Variants in FSTL5 observed in about 807,000 individuals in gnomAD.
The protein encoded by FSTL5 is follistatin-related protein 5.
A neutral mutation model predicts 89.1 loss-of-function variants in FSTL5; 62 were observed. That is an observed-to-expected ratio of 0.70 (90% confidence interval 0.57 to 0.86). FSTL5 has a LOEUF of 0.86. Ranked by LOEUF, FSTL5 falls within the 40% of genes least tolerant of loss-of-function variation. FSTL5 has a pLI of 0.00. For missense variants in FSTL5, 1,057 were observed against 1,001.6 expected (o/e 1.06, Z -0.75); for synonymous variants, 383 against 346.2 (o/e 1.11, Z -1.18).
chr4:161,667,371 G>T (rs1394937633), intron 6 of FSTL5, among the ~76,000 whole-genome samples: 2 of 152,054 alleles, frequency 1.3e-5, no homozygotes, highest in Non-Finnish European at 2.9e-5. Context: ...CTAACAGAAA[G>T]AATTGGGTGG....
At chr4:161,639,588 A>C (rs1294696806) in intron 7 of FSTL5, among the ~76,000 whole-genome samples, 1 of 152,162 alleles carries the variant, frequency 6.6e-6, no homozygotes, top group Non-Finnish European at 1.5e-5. Context: ...CCTAGACAAT[A>C]ATTGCACTGG....
chr4:161,788,467 A>G (rs1267986210), intron 4 of FSTL5, among the ~76,000 whole-genome samples: 1 of 152,118 alleles, frequency 6.6e-6, no homozygotes, highest in Non-Finnish European at 1.5e-5. Context: ...CTCTACTTCT[A>G]TCAGCTCAAC....
In FSTL5 at chr4:162,050,285, C is replaced by G. The variant is rs771468449; in HGVS notation, c.127-16627G>C. On this transcript the variant is annotated intron_variant, in intron 2 of 15. Coordinates refer to ENST00000306100, the MANE Select transcript of FSTL5 (RefSeq NM_020116.5). ...CAAATATATTCTGGAAAAAATAATA[C>G]TCATACAGGAAAAATAATTATATTG... Among the ~76,000 whole-genome samples the G allele has an allele frequency of 2.6e-5, 4 of 151,022 alleles. No individual in the cohort carries two copies. In the East Asian group the frequency reaches 7.8e-4, roughly 29 times the overall value.
chr4:161,497,602 A>G (rs1243038522), intron 12 of FSTL5, among the ~76,000 whole-genome samples: 3 of 149,202 alleles, frequency 2.0e-5, no homozygotes, highest in Admixed American at 6.9e-5. Flanking sequence ...GAGTACAGAA[A>G]CCTTTATAAA....
Position 161,422,499 on chromosome 4 carries a change from G to A in FSTL5, c.1841+32505C>T, listed in dbSNP as rs547491663. On this transcript the variant is annotated intron_variant, in intron 15 of 15. Transcript: ENST00000306100. ...ATTTTGATTACCTTTGAATATCTCGGAAACTAGGAAGTTTTGGAATGATCA... is the reference window on the plus strand; with the variant it reads ...ATTTTGATTACCTTTGAATATCTCGAAAACTAGGAAGTTTTGGAATGATCA... Among the ~76,000 whole-genome samples, 18 of 152,262 alleles carry A rather than the reference G, an allele frequency of 1.2e-4. 1 individual carries two copies. In the South Asian group the frequency reaches 3.5e-3, roughly 30 times the overall value.
intron 1 of FSTL5, among the ~76,000 whole-genome samples, chr4:162,115,125 G>C (rs1426633069): frequency 6.6e-6 from 1 of 152,052 alleles, no homozygotes; most frequent in East Asian, 1.9e-4. Context: ...AGCCAAAAAA[G>C]ACCAGAGAAA....
intron 3 of FSTL5, among the ~76,000 whole-genome samples, chr4:161,992,930 G>A (rs28404924): frequency 0.14 from 1,096 of 7,976 alleles, 74 homozygotes; most frequent in African/African-American, 0.17. Flanking sequence ...ATATATGTGT[G>A]TATATATATA....
At chr4:161,443,939 A>T (rs764276114) in intron 15 of FSTL5, among the ~76,000 whole-genome samples, 2 of 151,922 alleles carry the variant, frequency 1.3e-5, no homozygotes, top group Non-Finnish European at 2.9e-5. Context: ...TTTGGACATG[A>T]TCTATAAGCA....
intron 3 of FSTL5, among the ~76,000 whole-genome samples, chr4:161,952,409 G>A (rs1734921350): frequency 6.6e-6 from 1 of 152,078 alleles, no homozygotes; most frequent in South Asian, 2.1e-4. Context: ...AGACTAATTT[G>A]AGTTCAGCAG....
At chr4:161,573,265 C>G (rs1156756747) in intron 8 of FSTL5, among the ~76,000 whole-genome samples, 3 of 151,844 alleles carry the variant, frequency 2.0e-5, no homozygotes, top group African/African-American at 7.3e-5. Context: ...CAAAAATTAG[C>G]CAAGTGTGCT....
At chr4:161,637,748 A>T (rs1173238866) in intron 7 of FSTL5, among the ~76,000 whole-genome samples, 52 of 117,414 alleles carry the variant, frequency 4.4e-4, no homozygotes, top group Non-Finnish European at 7.0e-4. Context: ...TGTTTTTCTC[A>T]GGTTTGTCAA....
chr4:161,473,055 T>G (rs1734004559), intron 13 of FSTL5, among the ~76,000 whole-genome samples: 1 of 152,172 alleles, frequency 6.6e-6, no homozygotes, highest in African/African-American at 2.4e-5. Context: ...TGAGACTTAA[T>G]TTCTGGCCTA....
intron 1 of FSTL5, among the ~76,000 whole-genome samples, chr4:162,148,776 G>C (rs1227770460): frequency 6.6e-6 from 1 of 151,970 alleles, no homozygotes; most frequent in Non-Finnish European, 1.5e-5. Flanking sequence ...TTCTGAGTCA[G>C]GCATTATTAA....
intron 6 of FSTL5, among the ~76,000 whole-genome samples, chr4:161,693,936 C>T (rs1738046250): frequency 1.3e-5 from 2 of 151,930 alleles, no homozygotes; most frequent in Admixed American, 1.3e-4. Context: ...CTGTGCCCAG[C>T]CTTCTTGTAA....
intron 10 of FSTL5, among the ~76,000 whole-genome samples, chr4:161,522,027 C>T (rs180791397): frequency 6.4e-4 from 98 of 152,050 alleles, no homozygotes; most frequent in Middle Eastern, 3.4e-3. Context: ...ACAAATATGC[C>T]TGTTCTCCCC....
At chr4:161,646,463 T>G (rs1484652814) in intron 7 of FSTL5, among the ~76,000 whole-genome samples, 2 of 151,792 alleles carry the variant, frequency 1.3e-5, no homozygotes, top group African/African-American at 4.8e-5. Flanking sequence ...TAGTACATAT[T>G]CTGAAACCTT....
intron 4 of FSTL5, among the ~76,000 whole-genome samples, chr4:161,867,254 C>G (rs1472401444): frequency 6.6e-6 from 1 of 151,894 alleles, no homozygotes; most frequent in Non-Finnish European, 1.5e-5. Flanking sequence ...TGGCTTTTAA[C>G]TGAAATTACT....
chr4:162,141,588 A>T (rs1420746910), intron 1 of FSTL5, among the ~76,000 whole-genome samples: 1 of 152,156 alleles, frequency 6.6e-6, no homozygotes, highest in Non-Finnish European at 1.5e-5. Flanking sequence ...CGTATTATCC[A>T]GGCTTGGGTA....
At chr4:161,804,530 C>T (rs1362701439) in intron 4 of FSTL5, among the ~76,000 whole-genome samples, 1 of 16,186 alleles carries the variant, frequency 6.2e-5, no homozygotes, top group Non-Finnish European at 1.9e-4. Context: ...TTCTGTACAA[C>T]CACTGTTTTT....
Sources: allele counts gnomAD v4.1 joint callset (sites outside exome capture counted in the v4.1 genomes callset), GRCh38; gene constraint gnomAD v4.1.1; transcripts MANE v1.5; gene names NCBI Gene and HGNC (gene_info 2026-07-23, HGNC 2026-07-21).